HSD17B13: variants seen among roughly 807,000 people sequenced by gnomAD.
HSD17B13 encodes the protein hydroxysteroid 17-beta dehydrogenase 13, also known as 17-beta-hydroxysteroid dehydrogenase 13.
In HSD17B13, 26 loss-of-function variants were observed where a neutral mutation model predicts 31.1. The observed-to-expected ratio is 0.84, with a 90% confidence interval of 0.61 to 1.16. The LOEUF (loss-of-function observed/expected upper bound fraction) is 1.16, where lower values mean the gene tolerates loss of function less well. Ranked by LOEUF, HSD17B13 falls within the 50% of genes most tolerant of loss-of-function variation. The pLI is 0.00. For missense variants in HSD17B13, 374 were observed against 366.5 expected (o/e 1.02, Z -0.17); for synonymous variants, 141 against 133.7 (o/e 1.05, Z -0.38).
chr4:87,310,624 T>G (rs1403157230), intron 5 of HSD17B13, among the ~76,000 whole-genome samples: 1 of 152,104 alleles, frequency 6.6e-6, no homozygotes, highest in African/African-American at 2.4e-5. Flanking sequence ...GGCGAGGCAT[T>G]AGATGGTAAG....
At chr4:87,316,323 C>T (rs908021886) in intron 3 of HSD17B13, among the ~76,000 whole-genome samples, 5 of 152,172 alleles carry the variant, frequency 3.3e-5, no homozygotes, top group African/African-American at 1.2e-4. Context: ...ATTTGTTATG[C>T]AGCTATAGGT....
intron 3 of HSD17B13, among the ~76,000 whole-genome samples, chr4:87,316,573 T>A (rs1734652358): frequency 6.6e-6 from 1 of 152,184 alleles, no homozygotes; most frequent in Non-Finnish European, 1.5e-5. Context: ...TTATATGAGG[T>A]CTGTATAGCT....
intron 3 of HSD17B13, among the ~76,000 whole-genome samples, chr4:87,316,144 AC>A (rs1177307005): frequency 6.6e-6 from 1 of 152,054 alleles, no homozygotes; most frequent in Non-Finnish European, 1.5e-5. Context: ...TTTTCCAAAA[AC>A]CTCTTTTGTG....
intron 5 of HSD17B13, among the ~76,000 whole-genome samples, chr4:87,312,257 T>C (rs1049852738): frequency 6.6e-6 from 1 of 152,166 alleles, no homozygotes; most frequent in African/African-American, 2.4e-5. Flanking sequence ...TGCATACTTA[T>C]TAAGTACTGT....
At position 87,322,729 on chromosome 4, in the gene HSD17B13, A is replaced by C. The variant is rs781391869; in HGVS notation, c.113T>G (p.Ile38Ser). 2 of 1,613,962 alleles carry C rather than the reference A, an allele frequency of 1.2e-6. No homozygotes were observed. The highest frequency in any genetic ancestry group is 2.7e-5 in the African/African-American group (2 of 74,918). Residue 38 changes from isoleucine to serine, a missense_variant, in exon 1 of 7, where the codon ATT becomes AGT. By Grantham distance (142) the Ile-to-Ser change is moderately radical (BLOSUM62 -2). Coordinates refer to ENST00000328546, the MANE Select transcript of HSD17B13 (RefSeq NM_178135.5). ...ATGCCCAGCTCCAGTAATGAGAACA[A>C]TCTCCCCAGCCACAGATTTTCTCCT... ...PQRRKSVAGE[I>S]VLITGAGHGI... is the part of the protein sequence containing the mutation.
chr4:87,312,017 C>T (rs1419795473), intron 5 of HSD17B13, among the ~76,000 whole-genome samples: 1 of 152,112 alleles, frequency 6.6e-6, no homozygotes, highest in Non-Finnish European at 1.5e-5. Flanking sequence ...AAATATTTAG[C>T]ATTGCCTGTG....
chr4:87,322,568 A>G (rs1204064597), intron 1 of HSD17B13, 64 bp downstream of exon 1: 1 of 1,251,576 alleles, frequency 8.0e-7, no homozygotes, highest in Non-Finnish European at 1.2e-6. Context: ...ATGGTAAGTC[A>G]AATAATTCTT....
intron 5 of HSD17B13, among the ~76,000 whole-genome samples, chr4:87,312,518 CTTTTTTTTTTT>C (rs747820120): frequency 8.4e-5 from 6 of 71,596 alleles, no homozygotes; most frequent in South Asian, 6.7e-4. Context: ...ACCTTTAATT[CTTTTTTTTTTT>C]TTTTTTTTTT....
intron 1 of HSD17B13, among the ~76,000 whole-genome samples, chr4:87,319,385 C>G (rs56236537): frequency 0.025 from 3,869 of 152,284 alleles, 148 homozygotes; most frequent in African/African-American, 0.088. Flanking sequence ...TTCTCTAAAG[C>G]AGGCTACTTT....
chr4:87,321,257 C>T (rs532530153), intron 1 of HSD17B13, among the ~76,000 whole-genome samples: 13 of 152,172 alleles, frequency 8.5e-5, no homozygotes, highest in Admixed American at 3.9e-4. Flanking sequence ...TCTTGAACTC[C>T]TGGGCTCCAG....
At position 87,317,203 on chromosome 4, in the gene HSD17B13, A is replaced by C. The variant is rs1475879656; in HGVS notation, c.339T>G (p.Asp113Glu). Residue 113 changes from aspartate to glutamate, a missense_variant, in exon 3 of 7, where the codon GAT becomes GAG. Physicochemically the swap from Asp to Glu is conservative, Grantham distance 45 (BLOSUM62 2). Transcript: ENST00000328546. ...CAGCATTATTCACCACGATTGTTAC[A>C]TCACCCACTTCTTTCTTCACCTTTT... ...SLNQVKKEVG[D>E]VTIVVNNAGT... The C allele has an allele frequency of 6.2e-7, 1 of 1,614,102 alleles. No homozygotes were observed. The highest frequency in any genetic ancestry group is 1.1e-5 in the South Asian group (1 of 91,078).
intron 2 of HSD17B13, 41 bp from the exon 3 acceptor site, chr4:87,317,264 C>G: frequency 6.2e-7 from 1 of 1,605,800 alleles, no homozygotes; most frequent in South Asian, 1.1e-5. Context: ...GTGTATTATT[C>G]AAACTCAAAG....
chr4:87,322,158 G>A (rs1004488251), intron 1 of HSD17B13, among the ~76,000 whole-genome samples: 1 of 152,076 alleles, frequency 6.6e-6, no homozygotes, highest in African/African-American at 2.4e-5. Flanking sequence ...TTTTGACTAC[G>A]GACTGGCAAA....
At chr4:87,313,720 TTCTTCA>T (rs1734584512) in intron 5 of HSD17B13, 97 bp downstream of exon 5, 1 of 914,028 alleles carries the variant, frequency 1.1e-6, no homozygotes. Flanking sequence ...TTATTTTTCC[TTCTTCA>T]TTTTCTTCTA....
At chr4:87,320,918 T>A (rs1221731340) in intron 1 of HSD17B13, among the ~76,000 whole-genome samples, 2 of 152,206 alleles carry the variant, frequency 1.3e-5, no homozygotes, top group Non-Finnish European at 2.9e-5. Flanking sequence ...CTAAAGGAGA[T>A]CTGAGTTACA....
At position 87,312,167 on chromosome 4, in the gene HSD17B13, G is replaced by A. The variant is rs1734544517; in HGVS notation, c.695+1656C>T. Among the ~76,000 whole-genome samples, 4 of 152,118 alleles carry A rather than the reference G, an allele frequency of 2.6e-5. 1 individual carries two copies. The South Asian group carries it at 6.2e-4, about 24-fold the overall frequency. On this transcript the variant is annotated intron_variant, in intron 5 of 6. Transcript: ENST00000328546. ...TACACGAAGCCTGAATGCCTACCAA[G>A]AGGGTTTTTATTGGGCCCAATTCCT...
At chr4:87,319,413 T>C (rs1367057911) in intron 1 of HSD17B13, among the ~76,000 whole-genome samples, 4 of 152,210 alleles carry the variant, frequency 2.6e-5, no homozygotes, top group African/African-American at 9.6e-5. Context: ...TGAAGAACAT[T>C]CTTGAAAAAC....
At chr4:87,318,202 A>G in intron 2 of HSD17B13, 127 bp downstream of exon 2, 1 of 684,680 alleles carries the variant, frequency 1.5e-6, no homozygotes. Flanking sequence ...CCTTGGTGAC[A>G]TAACTACTTC....
intron 3 of HSD17B13, among the ~76,000 whole-genome samples, chr4:87,316,098 T>C (rs765619594): frequency 2.6e-5 from 4 of 152,214 alleles, no homozygotes; most frequent in Non-Finnish European, 5.9e-5. Flanking sequence ...ATATTGTATA[T>C]TATATGTTGA....
Sources: gnomAD v4.1 joint callset for allele counts (sites outside exome capture counted in the v4.1 genomes callset) on GRCh38, gnomAD v4.1.1 for gene constraint, MANE v1.5 for transcripts, NCBI Gene and HGNC (gene_info 2026-07-23, HGNC 2026-07-21) for gene names.